TCEANC2: variants seen among roughly 807,000 people sequenced by gnomAD.
TCEANC2 encodes transcription elongation factor A N-terminal and central domain containing 2.
A neutral mutation model predicts 22.8 loss-of-function variants in TCEANC2; 20 were observed. The ratio of observed to expected loss-of-function variants is 0.88; its 90% confidence interval spans 0.62 to 1.28. The LOEUF is 1.28. Among genes scored for constraint, TCEANC2 ranks in the 50% most tolerant of loss-of-function variants. TCEANC2 has a pLI of 0.00. For missense variants in TCEANC2, 251 were observed against 249.7 expected (o/e 1.01, Z -0.03); for synonymous variants, 84 against 95.5 (o/e 0.88, Z 0.70).
chr1:54,092,799 C>T (rs1658473243), intron 4 of TCEANC2, among the ~76,000 whole-genome samples: 1 of 152,218 alleles, frequency 6.6e-6, no homozygotes, highest in African/African-American at 2.4e-5. Flanking sequence ...TATGACACCA[C>T]TTCCCACTGA....
chr1:54,097,085 C>T lies in TCEANC2; in HGVS notation c.*612C>T. ...CCATGCTGAGGCTACTAATGAGGAA[C>T]TGGCCCGAAGCCTCCCACACCTCAG... On this transcript the variant is annotated 3_prime_UTR_variant, in exon 5 of 5. Coordinates refer to ENST00000234827, the MANE Select transcript of TCEANC2 (RefSeq NM_153035.3). 5.5e-6 allele frequency: 4 copies of T among 727,614 alleles called. No individual in the cohort carries two copies. The highest frequency in any genetic ancestry group is 6.7e-6 in the Non-Finnish European group (4 of 594,058). 45.1% of individuals were successfully genotyped at this position (727,614 alleles called of 1,614,324 possible). A position where few individuals can be genotyped will look rare whatever the true frequency, so the allele number is the denominator to read the frequency against.
intron 3 of TCEANC2, among the ~76,000 whole-genome samples, chr1:54,079,928 T>C (rs1420652350): frequency 6.6e-6 from 1 of 152,158 alleles, no homozygotes; most frequent in Non-Finnish European, 1.5e-5. Context: ...TCGTTATTAT[T>C]ATTATTTTTG....
intron 3 of TCEANC2, among the ~76,000 whole-genome samples, chr1:54,069,651 A>G (rs1658021007): frequency 6.6e-6 from 1 of 152,018 alleles, no homozygotes; most frequent in Non-Finnish European, 1.5e-5. Context: ...GGAGACGAGC[A>G]TATAGACAAA....
In TCEANC2 at chr1:54,072,145, C is replaced by T. The variant is rs558708363; in HGVS notation, c.244+3248C>T. On this transcript the variant is annotated intron_variant, in intron 3 of 4. Coordinates refer to ENST00000234827, the MANE Select transcript of TCEANC2 (RefSeq NM_153035.3). ...TATTTCTTCAAAAGTTACTCTCTTT[C>T]GTTATTTCTGTTGCCTCCTTCTGAG... Among the ~76,000 whole-genome samples the T allele has an allele frequency of 4.6e-5, 7 of 152,206 alleles. No homozygotes were observed. In the South Asian group the frequency reaches 1.5e-3, roughly 32 times the overall value.
intron 3 of TCEANC2, among the ~76,000 whole-genome samples, chr1:54,076,374 C>T (rs1383473758): frequency 4.6e-5 from 7 of 152,254 alleles, no homozygotes; most frequent in South Asian, 2.1e-4. Context: ...TCTGTTCCTG[C>T]GTTAGTTTGC....
intron 3 of TCEANC2, among the ~76,000 whole-genome samples, chr1:54,087,147 A>T (rs1658353106): frequency 6.6e-6 from 1 of 152,340 alleles, no homozygotes; most frequent in African/African-American, 2.4e-5. Flanking sequence ...TCATTAAAAT[A>T]AAAAATTAAA....
In TCEANC2 at chr1:54,066,448, C is replaced by T. The variant is rs187732038; in HGVS notation, c.103-2308C>T. 9.9e-5 allele frequency among the ~76,000 whole-genome samples: 15 copies of T among 152,040 alleles called. No homozygotes were observed. In the South Asian group the frequency reaches 1.7e-3, roughly 17 times the overall value. On this transcript the variant is annotated intron_variant, in intron 2 of 4. Transcript: ENST00000234827. ...GAGGCAGGGAGCAAAATAAAGCAGC[C>T]ACAGGCTATGTAAAGTGTAATGACC...
intron 2 of TCEANC2, among the ~76,000 whole-genome samples, chr1:54,059,689 A>G (rs527246810): frequency 7.2e-5 from 11 of 152,282 alleles, no homozygotes; most frequent in African/African-American, 2.2e-4. Context: ...CCAATCCACT[A>G]TGAATTCCTG....
chr1:54,068,681 C>G, intron 2 of TCEANC2, 75 bp from the exon 3 acceptor site: 2 of 1,436,990 alleles, frequency 1.4e-6, no homozygotes, highest in Non-Finnish European at 1.9e-6. Flanking sequence ...AATAGGAGCC[C>G]CATTAGCTCA....
intron 4 of TCEANC2, among the ~76,000 whole-genome samples, chr1:54,095,641 C>T (rs1408424108): frequency 6.6e-6 from 1 of 152,188 alleles, no homozygotes; most frequent in Non-Finnish European, 1.5e-5. Context: ...CTGTAGGCGT[C>T]TCTCCAATCT....
chr1:54,095,680 C>A (rs567482231), intron 4 of TCEANC2, among the ~76,000 whole-genome samples: 101 of 152,132 alleles, frequency 6.6e-4, no homozygotes, highest in Non-Finnish European at 1.1e-3. Flanking sequence ...GTTGAAGGGG[C>A]CATTAGTATG....
rs1055987248 is a variant in TCEANC2 at position 54,096,209 on chromosome 1, A to G, written c.439-76A>G. 1.1e-5 allele frequency: 17 copies of G among 1,503,032 alleles called. No homozygotes were observed. The highest frequency in any genetic ancestry group is 1.5e-5 in the Non-Finnish European group (17 of 1,117,412). 93.1% of individuals were successfully genotyped at this position (1,503,032 alleles called of 1,614,324 possible). A position where few individuals can be genotyped will look rare whatever the true frequency, so the allele number is the denominator to read the frequency against. ...AGTTGATTAATGGAGGCCTCTGAGC[A>G]GAGTGCTCCAGCCTCTCTTGCTTTT... On this transcript the variant is annotated intron_variant, in intron 4 of 4. Coordinates refer to ENST00000234827, the MANE Select transcript of TCEANC2 (RefSeq NM_153035.3). The surrounding 1 kb of genome is among the most constrained non-coding windows in gnomAD (Gnocchi z 4.9).
chr1:54,103,459 GTCAC>G lies in TCEANC2; in HGVS notation c.*6992_*6995del, dbSNP rs1658695193. 6.6e-6 allele frequency: 1 copy of G among 152,192 alleles called. No homozygotes were observed. Among genetic ancestry groups the G allele is most frequent in the African/African-American group, 2.4e-5 (1 of 41,434 alleles). The allele number at this position is 152,192 out of a possible 1,614,324, so 9.4% of individuals were successfully genotyped here. ...TTGAAACCATCGGATCTCTTGAGAAGTCACTCACTATCATGACAACAGCATGGGG... is the reference window on the plus strand; with the variant it reads ...TTGAAACCATCGGATCTCTTGAGAAGTCACTATCATGACAACAGCATGGGG... On this transcript the variant is annotated 3_prime_UTR_variant, in exon 5 of 5. Transcript: ENST00000234827.
rs1658372532 is a variant in TCEANC2 at position 54,088,037 on chromosome 1, G to T, written c.245-560G>T. On this transcript the variant is annotated intron_variant, in intron 3 of 4. Coordinates refer to ENST00000234827, the MANE Select transcript of TCEANC2 (RefSeq NM_153035.3). ...TTCTGTCTGACAGTCCCACTCTTAG[G>T]GATGCTAACATTGAACAGTGGGTTT... is the stretch of plus-strand genomic sequence containing the variant. Among the ~76,000 whole-genome samples the T allele has an allele frequency of 1.3e-5, 2 of 152,080 alleles. 1 individual carries two copies. The highest frequency in any genetic ancestry group is 4.1e-4 in the South Asian group (2 of 4,826).
rs1658664943 is a variant in TCEANC2 at position 54,101,567 on chromosome 1, CAT to C, written c.*5096_*5097del. The C allele has an allele frequency of 6.6e-6, 1 of 152,178 alleles. No individual in the cohort carries two copies. Among genetic ancestry groups the C allele is most frequent in the Non-Finnish European group, 1.5e-5 (1 of 68,038 alleles). The allele number at this position is 152,178 out of a possible 1,614,324, so 9.4% of individuals were successfully genotyped here. ...ATTAGGGTCACAGGGATAGAGAAGA[CAT>C]AATCTTTGGCCTCAAGAAGCTTACA... is the stretch of plus-strand genomic sequence containing the variant. On this transcript the variant is annotated 3_prime_UTR_variant, in exon 5 of 5. Transcript: ENST00000234827.
rs1327885606 is a variant in TCEANC2 at position 54,068,911 on chromosome 1, T to G, written c.244+14T>G. The G allele has an allele frequency of 1.2e-5, 18 of 1,523,628 alleles. No homozygotes were observed. Among genetic ancestry groups the G allele is most frequent in the Non-Finnish European group, 1.6e-5 (18 of 1,142,144 alleles). The allele number at this position is 1,523,628 out of a possible 1,614,324, so 94.4% of individuals were successfully genotyped here. ...CAACAAGGATAGGTATATTCCTTCT[T>G]AATTTTATTTTTTAAGAAAGCTTAT... On this transcript the variant is annotated intron_variant, in intron 3 of 4. Coordinates refer to ENST00000234827, the MANE Select transcript of TCEANC2 (RefSeq NM_153035.3).
chr1:54,095,996 T>C (rs1475383581), intron 4 of TCEANC2, among the ~76,000 whole-genome samples: 3 of 152,208 alleles, frequency 2.0e-5, no homozygotes, highest in East Asian at 1.9e-4. Context: ...CGTTTCCTGG[T>C]TGGTAAAGTA....
chr1:54,084,316 T>G (rs1032405701), intron 3 of TCEANC2, among the ~76,000 whole-genome samples: 1 of 152,158 alleles, frequency 6.6e-6, no homozygotes. Flanking sequence ...CCCAGCCTAT[T>G]TTATTTTTTA....
chr1:54,080,632 A>G (rs1358842050), intron 3 of TCEANC2, among the ~76,000 whole-genome samples: 4 of 152,200 alleles, frequency 2.6e-5, no homozygotes, highest in African/African-American at 7.2e-5. Context: ...TGACTTTCCT[A>G]GAGCTCCTTG....
Sources: allele counts gnomAD v4.1 joint callset (sites outside exome capture counted in the v4.1 genomes callset), GRCh38; gene constraint gnomAD v4.1.1; non-coding constraint Gnocchi (gnomAD v3.1); transcripts MANE v1.5; gene names NCBI Gene and HGNC (gene_info 2026-07-23, HGNC 2026-07-21).